DDO: variants seen among roughly 807,000 people sequenced by gnomAD.
DDO encodes the protein D-aspartate oxidase.
DDO carries 16 observed loss-of-function variants against 16.8 expected under a neutral mutation model. The ratio of observed to expected loss-of-function variants is 0.95; its 90% CI spans 0.65 to 1.45. The LOEUF (loss-of-function observed/expected upper bound fraction) is 1.45. DDO is among the 40% of genes most tolerant of loss of function. The probability of loss-of-function intolerance (pLI) is 0.00; values close to 1 mark genes in which losing one functional copy is unlikely to be tolerated. For synonymous variants in DDO, 180 were observed against 167.2 expected, an observed-to-expected ratio of 1.08 and a Z score of -0.59; for missense variants, 429 against 420.3, an observed-to-expected ratio of 1.02 and a Z score of -0.18.
chr6:110,390,350 G>T (rs984703046), downstream of DDO, among the ~76,000 whole-genome samples: 3 of 152,216 alleles, frequency 2.0e-5, no homozygotes, highest in African/African-American at 7.2e-5. Flanking sequence ...TCATAAAGCA[G>T]GCCTGGGCAT....
At chr6:110,407,277 GT>G (rs1203859022) in intron 3 of DDO, among the ~76,000 whole-genome samples, 1 of 152,130 alleles carries the variant, frequency 6.6e-6, no homozygotes, top group African/African-American at 2.4e-5. Flanking sequence ...CAAAGAAAAT[GT>G]TTTTTCTACT....
intron 3 of DDO, among the ~76,000 whole-genome samples, chr6:110,406,690 G>A (rs753603332): frequency 1.3e-4 from 20 of 152,176 alleles, no homozygotes; most frequent in Admixed American, 2.0e-4. Context: ...CTAGGTGTAT[G>A]CTGTTTCCTC....
In DDO at chr6:110,392,778, C is replaced by A; in HGVS notation, c.1023G>T (p.Leu341=). ...ALRTPIPKSN[L] The stretch of plus-strand genomic sequence containing the variant: ...CTTTGCTGTCATTTTATGTCATCTA[C>A]AGGTTTGACTTGGGAATGGGGGTCC... The change falls in exon 5 of 5, where the codon CTG becomes CTT. Residue 341 remains leucine, a synonymous_variant. Transcript: ENST00000368924. The A allele has an allele frequency of 6.5e-7, 1 of 1,545,610 alleles. No individual in the cohort carries two copies. Among genetic ancestry groups the A allele is most frequent in the South Asian group, 1.2e-5 (1 of 81,470 alleles).
rs745572196 is a variant in DDO at position 110,404,926 on chromosome 6, C to A, written c.306G>T (p.Pro102=). ...VSGWQIFQST[P]TEEVPFWADV... ...CAGCCCAGAATGGCACTTCTTCAGT[C>A]GGAGTGCTCTGAAATATCTGCCAAC... The change falls in exon 4 of 5, where the codon CCG becomes CCT. Residue 102 remains proline, a synonymous_variant. Coordinates refer to ENST00000368924, the MANE Select transcript of DDO (RefSeq NM_001372108.2). 1.2e-6 allele frequency: 2 copies of A among 1,614,040 alleles called. No individual in the cohort carries two copies. The highest frequency in any genetic ancestry group is 2.7e-5 in the African/African-American group (2 of 74,918).
chr6:110,402,666 A>T (rs1218058006), intron 4 of DDO, among the ~76,000 whole-genome samples: 2 of 152,224 alleles, frequency 1.3e-5, no homozygotes, highest in Non-Finnish European at 2.9e-5. Flanking sequence ...ACTTACTTTC[A>T]AATGGTTCTG....
chr6:110,401,117 C>T (rs1272364318), intron 4 of DDO, among the ~76,000 whole-genome samples: 2 of 152,208 alleles, frequency 1.3e-5, no homozygotes, highest in Non-Finnish European at 2.9e-5. Context: ...GGGTGCTTCC[C>T]GGCATGCTCC....
chr6:110,399,809 C>T (rs554892255), intron 4 of DDO, among the ~76,000 whole-genome samples: 9 of 152,340 alleles, frequency 5.9e-5, no homozygotes, highest in African/African-American at 2.2e-4. Flanking sequence ...GAAGTCTTCC[C>T]GCCGCAGCAC....
At chr6:110,404,677 G>C (rs553482627) in intron 4 of DDO, 97 bp downstream of exon 4, 109 of 1,345,202 alleles carry the variant, frequency 8.1e-5, no homozygotes, top group Non-Finnish European at 3.1e-5. Flanking sequence ...GAGCTCTGAG[G>C]GATGCCAGAG....
chr6:110,393,058 GCATCCGGGGA>G lies in DDO; in HGVS notation c.733_742del (p.Ser245GlnfsTer30). Reference sequence around the variant, plus strand: ...GGAAAGAATCTCTCTGCTATTTTCTGCATCCGGGGACAGATTCCAGTCCCCTTTTTGCCTA... The same window carrying G: ...GGAAAGAATCTCTCTGCTATTTTCTGCAGATTCCAGTCCCCTTTTTGCCTA... On this transcript the variant is annotated frameshift_variant, in exon 5 of 5. Coordinates refer to ENST00000368924, the MANE Select transcript of DDO (RefSeq NM_001372108.2). LOFTEE classifies it low-confidence loss of function (END_TRUNC). 6.2e-7 allele frequency: 1 copy of G among 1,612,638 alleles called. No individual in the cohort carries two copies. Among genetic ancestry groups the G allele is most frequent in the Non-Finnish European group, 8.5e-7 (1 of 1,178,646 alleles).
At chr6:110,407,109 T>C (rs992837742) in intron 3 of DDO, among the ~76,000 whole-genome samples, 6 of 152,048 alleles carry the variant, frequency 3.9e-5, no homozygotes, top group African/African-American at 1.5e-4. Flanking sequence ...ATATGTTGTT[T>C]TGAAGGAATA....
intron 2 of DDO, among the ~76,000 whole-genome samples, chr6:110,411,906 C>CT (rs1773868987): frequency 1.3e-5 from 2 of 152,030 alleles, no homozygotes; most frequent in South Asian, 4.2e-4. Flanking sequence ...TCTTCCTCCC[C>CT]CATTTCAAGT....
rs140172098 is a variant in DDO at position 110,400,716 on chromosome 6, G to C, written c.458+4058C>G. ...AGAGCCAATGCTTCAATGAAAGCTT[G>C]GGCCCGAGAAAGTTTGTGAAGAAAC... On this transcript the variant is annotated intron_variant, in intron 4 of 4. Coordinates refer to ENST00000368924, the MANE Select transcript of DDO (RefSeq NM_001372108.2). 4.7e-3 allele frequency among the ~76,000 whole-genome samples: 709 copies of C among 152,364 alleles called. 19 individuals are homozygous for C. The highest frequency in any genetic ancestry group is 0.043 in the Admixed American group (651 of 15,310).
In DDO at chr6:110,408,409, C is replaced by G; in HGVS notation, c.206G>C (p.Arg69Thr). The G allele has an allele frequency of 1.2e-6, 2 of 1,614,148 alleles. No individual in the cohort carries two copies. The highest frequency in any genetic ancestry group is 2.2e-5 in the East Asian group (1 of 44,878). Residue 69 changes from arginine (R) to threonine (T), a missense_variant, in exon 3 of 5, where the codon AGA becomes ACA. Arg to Thr is a moderately conservative substitution (Grantham distance 71). Coordinates refer to ENST00000368924, the MANE Select transcript of DDO (RefSeq NM_001372108.2). Reference sequence around the variant, plus strand: ...TGCAAAGAGGTGATTAAAGGTTTCTCTGAACCACTGCTTCTGCGTGTGAAT... The same window carrying G: ...TGCAAAGAGGTGATTAAAGGTTTCTGTGAACCACTGCTTCTGCGTGTGAAT... ...TPIHTQKQWF[R>T]ETFNHLFAIA...
At position 110,413,352 on chromosome 6, in the gene DDO, C is replaced by T. The variant is rs1424550430; in HGVS notation, c.111G>A (p.Lys37=). 3 of 1,614,006 alleles carry T rather than the reference C, an allele frequency of 1.9e-6. No homozygotes were observed. Among genetic ancestry groups the T allele is most frequent in the Non-Finnish European group, 1.7e-6 (2 of 1,180,038 alleles). ...PRCSVTIISD[K]FTPDTTSDVA... The stretch of plus-strand genomic sequence containing the variant: ...CATCACTGGTGGTATCTGGAGTAAA[C>T]TTGTCTGAAATGATGGTAACGGAGC... The change falls in exon 2 of 5, where the codon AAG becomes AAA. Residue 37 remains lysine, a synonymous_variant. Transcript: ENST00000368924.
In DDO at chr6:110,392,883, A is replaced by T. The variant is rs1334421435; in HGVS notation, c.918T>A (p.His306Gln). 4 of 1,614,184 alleles carry T rather than the reference A, an allele frequency of 2.5e-6. No homozygotes were observed. Among genetic ancestry groups the T allele is most frequent in the South Asian group, 2.2e-5 (2 of 91,084 alleles). ...QRLPVVHHYG[H>Q]GSGGISVHWG... ...AGTGCACTGAGATGCCCCCACTCCC[A>T]TGGCCATAGTGGTGGACTACAGGCA... The change falls in exon 5 of 5, where the codon CAT becomes CAA. Residue 306 changes from histidine to glutamine, a missense_variant. His to Gln is a conservative substitution (Grantham distance 24). Coordinates refer to ENST00000368924, the MANE Select transcript of DDO (RefSeq NM_001372108.2).
intron 2 of DDO, among the ~76,000 whole-genome samples, chr6:110,408,892 C>T (rs182206121): frequency 2.6e-5 from 4 of 152,212 alleles, no homozygotes; most frequent in Non-Finnish European, 5.9e-5. Flanking sequence ...TAGTGGATGA[C>T]ATGGGCAGGT....
At chr6:110,414,592 G>A (rs993834382) in intron 1 of DDO, among the ~76,000 whole-genome samples, 3 of 152,172 alleles carry the variant, frequency 2.0e-5, no homozygotes, top group Non-Finnish European at 2.9e-5. Context: ...ATCCCCGCCT[G>A]CCTTTGCTTC....
At chr6:110,402,195 G>C (rs1773506034) in intron 4 of DDO, among the ~76,000 whole-genome samples, 1 of 152,124 alleles carries the variant, frequency 6.6e-6, no homozygotes, top group Non-Finnish European at 1.5e-5. Context: ...TCACGGACTG[G>C]AAAAAATTAT....
chr6:110,396,318 T>C (rs1316779886), intron 4 of DDO, among the ~76,000 whole-genome samples: 1 of 152,226 alleles, frequency 6.6e-6, no homozygotes, highest in Non-Finnish European at 1.5e-5. Context: ...GTTTGAAACC[T>C]CTGGATTAGA....
Sources: gnomAD v4.1 joint callset for allele counts (sites outside exome capture counted in the v4.1 genomes callset) on GRCh38, gnomAD v4.1.1 for gene constraint, MANE v1.5 for transcripts, NCBI Gene and HGNC (gene_info 2026-07-23, HGNC 2026-07-21) for gene names.